Variants in PKD1L1 observed in about 807,000 individuals in gnomAD.
The protein encoded by PKD1L1 is polycystin-1-like protein 1.
PKD1L1 carries 236 observed loss-of-function variants against 323.4 expected under a neutral mutation model. The ratio of observed to expected loss-of-function variants is 0.73; its 90% CI spans 0.66 to 0.81. The LOEUF is 0.81. PKD1L1 is among the 40% of genes least tolerant of loss of function. The pLI is 0.00. For synonymous variants in PKD1L1, 1,344 were observed against 1,335.0 expected, an observed-to-expected ratio of 1.01 and a Z score of -0.15; for missense variants, 3,320 against 3,508.0, an observed-to-expected ratio of 0.95 and a Z score of 1.35.
chr7:47,901,646 T>A (rs1037774974), intron 13 of PKD1L1, among the ~76,000 whole-genome samples: 1 of 152,142 alleles, frequency 6.6e-6, no homozygotes, highest in African/African-American at 2.4e-5. Context: ...TGGGCAGGGG[T>A]ATTGCCTGTG....
chr7:47,803,855 C>T (rs548033972), intron 52 of PKD1L1, among the ~76,000 whole-genome samples: 1 of 152,152 alleles, frequency 6.6e-6, no homozygotes, highest in Admixed American at 6.5e-5. Flanking sequence ...CTAGAGTCTA[C>T]GGCTCAGATA....
At chr7:47,832,482 C>T (rs1490987317) in intron 41 of PKD1L1, among the ~76,000 whole-genome samples, 1 of 152,354 alleles carries the variant, frequency 6.6e-6, no homozygotes, top group Non-Finnish European at 1.5e-5. Flanking sequence ...CATAGCTGCA[C>T]GCACAGGCCT....
Position 47,833,265 on chromosome 7 carries a change from G to A in PKD1L1, c.6175-13C>T. On this transcript the variant is annotated splice_polypyrimidine_tract_variant and intron_variant, in intron 40 of 56. Transcript: ENST00000289672. ...CTGATGCAGGTTGCTAGAATGACAA[G>A]GTCATGCCAAGGTTAATATCTCCAC... is the stretch of plus-strand genomic sequence containing the variant. 6.2e-7 allele frequency: 1 copy of A among 1,610,178 alleles called. No homozygotes were observed. Among genetic ancestry groups the A allele is most frequent in the Non-Finnish European group, 8.5e-7 (1 of 1,177,968 alleles).
upstream of PKD1L1, among the ~76,000 whole-genome samples, chr7:47,949,709 T>C (rs983954239): frequency 6.6e-6 from 1 of 152,208 alleles, no homozygotes; most frequent in African/African-American, 2.4e-5. Flanking sequence ...ATATTTTTTC[T>C]CTCCACTCTG....
intron 24 of PKD1L1, among the ~76,000 whole-genome samples, chr7:47,868,180 C>T (rs920331582): frequency 6.6e-6 from 1 of 152,020 alleles, no homozygotes; most frequent in Admixed American, 6.5e-5. Context: ...CCAGCCTGGC[C>T]AACATGGTGA....
chr7:47,786,040 C>T lies in PKD1L1; in HGVS notation c.8526+6587G>A, dbSNP rs559408688. 3.3e-5 allele frequency among the ~76,000 whole-genome samples: 5 copies of T among 152,224 alleles called. No homozygotes were observed. In the South Asian group the frequency reaches 1.0e-3, roughly 32 times the overall value. The stretch of plus-strand genomic sequence containing the variant: ...TACAGGTGTGAGGCACCATGCCTGG[C>T]CAATATTTCATTTTAAAAAGCCCCT... On this transcript the variant is annotated intron_variant, in intron 56 of 56. Transcript: ENST00000289672.
chr7:47,817,962 C>A, intron 46 of PKD1L1: 1 of 1,068,486 alleles, frequency 9.4e-7, no homozygotes, highest in Non-Finnish European at 1.3e-6. Flanking sequence ...AAGAAATGAT[C>A]TCTTATCCTT....
chr7:47,898,634 T>C (rs1441185782), intron 13 of PKD1L1, among the ~76,000 whole-genome samples: 1 of 152,076 alleles, frequency 6.6e-6, no homozygotes, highest in Non-Finnish European at 1.5e-5. Context: ...ACAACAGATG[T>C]TTGCTTTCCC....
At chr7:47,951,828 C>T (rs562308157), upstream of PKD1L1, among the ~76,000 whole-genome samples, 1 of 152,288 alleles carries the variant, frequency 6.6e-6, no homozygotes, top group South Asian at 2.1e-4. Context: ...CAACCAACTT[C>T]GTTTCTCAGG....
At chr7:47,802,882 T>C (rs945476650) in intron 53 of PKD1L1, among the ~76,000 whole-genome samples, 11 of 152,222 alleles carry the variant, frequency 7.2e-5, no homozygotes, top group African/African-American at 2.7e-4. Context: ...CGAAGTAATC[T>C]ATGAGAGGCC....
chr7:47,835,441 C>T (rs1035462721), intron 37 of PKD1L1, among the ~76,000 whole-genome samples, 198 bp from the exon 38 acceptor site: 2 of 152,122 alleles, frequency 1.3e-5, no homozygotes, highest in Admixed American at 6.5e-5. Context: ...TTCTCTGTCG[C>T]CCAGCCTGGA....
At chr7:47,794,605 A>G (rs554159110) in intron 55 of PKD1L1, among the ~76,000 whole-genome samples, 3 of 152,260 alleles carry the variant, frequency 2.0e-5, no homozygotes, top group Non-Finnish European at 4.4e-5. Context: ...TGTGGAAGGG[A>G]CCTAGTGGAG....
At chr7:47,816,113 A>G (rs773111283) in intron 46 of PKD1L1, among the ~76,000 whole-genome samples, 1 of 152,212 alleles carries the variant, frequency 6.6e-6, no homozygotes, top group Non-Finnish European at 1.5e-5. Flanking sequence ...TCTGGGACAC[A>G]CAGACCAAGA....
At chr7:47,912,887 C>T (rs61301882) in intron 8 of PKD1L1, among the ~76,000 whole-genome samples, 9,585 of 144,860 alleles carry the variant, frequency 0.066, 1,017 homozygotes, top group African/African-American at 0.23. Context: ...TAATCAATGA[C>T]GGGGAAAAAA....
intron 13 of PKD1L1, among the ~76,000 whole-genome samples, chr7:47,899,934 C>A (rs1335871277): frequency 8.0e-6 from 1 of 125,514 alleles, no homozygotes; most frequent in African/African-American, 3.0e-5. Flanking sequence ...CCCTCCTAGG[C>A]AACAGAGCGA....
chr7:47,949,368 C>CAAAAAAAAAA (rs58131581), upstream of PKD1L1, among the ~76,000 whole-genome samples: 13,163 of 56,712 alleles, frequency 0.23, 3,699 homozygotes, highest in East Asian at 0.44. Flanking sequence ...GGCTCTGTCT[C>CAAAAAAAAAA]AAAAAAAAAA....
intron 46 of PKD1L1, chr7:47,819,650 A>C (rs964791371): frequency 2.0e-5 from 24 of 1,177,722 alleles, no homozygotes; most frequent in Middle Eastern, 2.3e-4. Context: ...GCAGAAAAAA[A>C]AAAACAAAAC....
chr7:47,814,881 G>A lies in PKD1L1; in HGVS notation c.7089+453C>T, dbSNP rs145083848. ...AGCAAGGAATGGGATTATGCAAAATGCATATTAACTTTTTCTTCCGAACTT... is the reference window on the plus strand; with the variant it reads ...AGCAAGGAATGGGATTATGCAAAATACATATTAACTTTTTCTTCCGAACTT... On this transcript the variant is annotated intron_variant, in intron 47 of 56. Coordinates refer to ENST00000289672, the MANE Select transcript of PKD1L1 (RefSeq NM_138295.5). Among the ~76,000 whole-genome samples, 3 of 152,322 alleles carry A rather than the reference G, an allele frequency of 2.0e-5. No individual in the cohort carries two copies. The East Asian group carries it at 5.8e-4, about 29-fold the overall frequency.
At chr7:47,800,606 T>C in intron 54 of PKD1L1, 43 bp downstream of exon 54, 6 of 1,594,844 alleles carry the variant, frequency 3.8e-6, no homozygotes, top group Non-Finnish European at 5.2e-6. Context: ...CAAATGAAAC[T>C]TTTACAAACC....
Sources: gnomAD v4.1 joint callset for allele counts (sites outside exome capture counted in the v4.1 genomes callset) on GRCh38, gnomAD v4.1.1 for gene constraint, MANE v1.5 for transcripts, NCBI Gene and HGNC (gene_info 2026-07-23, HGNC 2026-07-21) for gene names.